The following LDLRAD4 variants were observed in gnomAD, a reference collection of about 807,000 sequenced individuals.
LDLRAD4 encodes the protein low density lipoprotein receptor class A domain containing 4.
A neutral mutation model predicts 17.0 loss-of-function variants in LDLRAD4; 5 were observed. The ratio of observed to expected loss-of-function variants is 0.29; its 90% CI spans 0.15 to 0.62. The LOEUF is 0.62. Among genes scored for constraint, LDLRAD4 ranks in the 20% least tolerant of loss-of-function variants. The pLI is 0.84. For synonymous variants in LDLRAD4, 168 were observed against 171.8 expected (o/e 0.98, Z 0.17); for missense variants, 340 against 424.7 (o/e 0.80, Z 1.75).
intron 1 of LDLRAD4, among the ~76,000 whole-genome samples, chr18:13,292,285 T>C (rs1020329750): frequency 2.0e-5 from 3 of 152,258 alleles, no homozygotes; most frequent in African/African-American, 7.2e-5. Flanking sequence ...GTGGGTGGGC[T>C]GCTGGCACAA....
At chr18:13,553,291 C>T (rs2094452484) in intron 3 of LDLRAD4, among the ~76,000 whole-genome samples, 1 of 152,128 alleles carries the variant, frequency 6.6e-6, no homozygotes, top group Admixed American at 6.5e-5. Flanking sequence ...ACCTTGTGTA[C>T]ACATCATCTC....
intron 2 of LDLRAD4, among the ~76,000 whole-genome samples, chr18:13,389,333 C>A (rs1252917487): frequency 1.3e-5 from 2 of 151,828 alleles, no homozygotes; most frequent in African/African-American, 2.4e-5. Flanking sequence ...GGATACTCCT[C>A]CCCTCCAGTC....
At chr18:13,235,649 C>CT (rs1215463438) in intron 1 of LDLRAD4, among the ~76,000 whole-genome samples, 1 of 152,212 alleles carries the variant, frequency 6.6e-6, no homozygotes, top group Non-Finnish European at 1.5e-5. Flanking sequence ...CTATTGATGG[C>CT]TTTTAGCCTG....
chr18:13,488,151 C>G (rs1402059160), intron 3 of LDLRAD4: 6 of 152,680 alleles, frequency 3.9e-5, no homozygotes, highest in Non-Finnish European at 8.8e-5. Context: ...GCCTTGGCCC[C>G]CTTTCCGCTC....
chr18:13,489,516 T>A (rs1487729510), intron 3 of LDLRAD4: 1 of 152,240 alleles, frequency 6.6e-6, no homozygotes, highest in African/African-American at 2.4e-5. Context: ...TGGTGGTGTG[T>A]GATTGAGTGC....
intron 3 of LDLRAD4, chr18:13,459,828 T>C (rs1299871064): frequency 6.5e-6 from 1 of 153,796 alleles, no homozygotes; most frequent in Non-Finnish European, 1.5e-5. Flanking sequence ...AGGCAGTGCT[T>C]GCGCTTTAAG....
intron 2 of LDLRAD4, among the ~76,000 whole-genome samples, chr18:13,403,105 A>C (rs1275178383): frequency 6.6e-6 from 1 of 152,228 alleles, no homozygotes; most frequent in East Asian, 1.9e-4. Context: ...ACATCCTAAA[A>C]CAACATGAAG....
chr18:13,381,076 G>GC (rs1555668031), intron 1 of LDLRAD4, among the ~76,000 whole-genome samples: 1 of 128,486 alleles, frequency 7.8e-6, no homozygotes. Context: ...TTTCTCTTTA[G>GC]TTTTTTTTTT....
chr18:13,263,303 C>T (rs1342497872), intron 1 of LDLRAD4, among the ~76,000 whole-genome samples: 1 of 151,932 alleles, frequency 6.6e-6, no homozygotes, highest in African/African-American at 2.4e-5. Flanking sequence ...GGCTGAGTCC[C>T]ATGCGGCTCT....
chr18:13,262,624 T>C (rs2043942664), intron 1 of LDLRAD4, among the ~76,000 whole-genome samples: 1 of 81,546 alleles, frequency 1.2e-5, no homozygotes, highest in African/African-American at 7.1e-5. Flanking sequence ...GCGTGGAAAC[T>C]GAGTCCCGTG....
intron 4 of LDLRAD4, among the ~76,000 whole-genome samples, chr18:13,624,988 T>C (rs796154806): frequency 4.6e-5 from 7 of 152,280 alleles, no homozygotes; most frequent in African/African-American, 1.7e-4. Context: ...TCAGCACCAA[T>C]GTCCGAGGCC....
chr18:13,577,013 C>G (rs565509593), intron 3 of LDLRAD4, among the ~76,000 whole-genome samples: 1 of 152,284 alleles, frequency 6.6e-6, no homozygotes, highest in African/African-American at 2.4e-5. Context: ...TGACCCAACA[C>G]TTAAAAAGTG....
chr18:13,383,264 C>G lies in LDLRAD4; in HGVS notation c.-382-4077C>G, dbSNP rs563556529. Among the ~76,000 whole-genome samples, 12 of 152,340 alleles carry G rather than the reference C, an allele frequency of 7.9e-5. No homozygotes were observed. In the East Asian group the frequency reaches 2.3e-3, roughly 29 times the overall value. On this transcript the variant is annotated intron_variant, in intron 1 of 5. Coordinates refer to ENST00000359446, the Ensembl canonical transcript of LDLRAD4. ...CAGGAAATACGTATTTACTGGGCAC[C>G]TGCTGGGTGCCAAGGGGAACTGGAG... is the stretch of plus-strand genomic sequence containing the variant.
intron 4 of LDLRAD4, chr18:13,641,654 A>T: frequency 1.6e-6 from 1 of 625,676 alleles, no homozygotes; most frequent in Non-Finnish European, 2.0e-6. Flanking sequence ...GCGGCGGCCC[A>T]GAGGAGCAGC....
chr18:13,614,225 C>T (rs1334829200), intron 3 of LDLRAD4: 1 of 152,208 alleles, frequency 6.6e-6, no homozygotes. Context: ...TGTGGATGAA[C>T]AAGGCGTTGA....
In LDLRAD4 at chr18:13,452,646, T is replaced by C. The variant is rs577156164; in HGVS notation, c.181+14262T>C. 4.1e-4 allele frequency among the ~76,000 whole-genome samples: 62 copies of C among 152,276 alleles called. No homozygotes were observed. The East Asian group carries it at 8.7e-3, about 21-fold the overall frequency. On this transcript the variant is annotated intron_variant, in intron 3 of 5. Transcript: ENST00000359446. ...TGGAAAAATACCGACATAGGAGGGATCTGCAGTCCTGACAGTCAGCATCTT... is the reference window on the plus strand; with the variant it reads ...TGGAAAAATACCGACATAGGAGGGACCTGCAGTCCTGACAGTCAGCATCTT...
intron 2 of LDLRAD4, among the ~76,000 whole-genome samples, chr18:13,433,100 AC>A (rs1308217527): frequency 1.3e-5 from 2 of 152,128 alleles, no homozygotes; most frequent in Admixed American, 1.3e-4. Flanking sequence ...CATTGTTGTC[AC>A]CTCTGTACTA....
chr18:13,223,206 G>T lies in LDLRAD4; in HGVS notation c.-467+4218G>T, dbSNP rs1444111540. 2.0e-5 allele frequency among the ~76,000 whole-genome samples: 3 copies of T among 152,146 alleles called. No homozygotes were observed. The East Asian group carries it at 5.8e-4, about 29-fold the overall frequency. ...CTTGGGGACTGGACGACTGAGTGGC[G>T]TTAAGGTAGGGAAGGGGGTGGGTGT... is the stretch of plus-strand genomic sequence containing the variant. On this transcript the variant is annotated intron_variant, in intron 1 of 5. Transcript: ENST00000399848.
intron 1 of LDLRAD4, among the ~76,000 whole-genome samples, chr18:13,325,524 C>A (rs114178470): frequency 5.9e-5 from 9 of 152,188 alleles, no homozygotes; most frequent in Non-Finnish European, 8.8e-5. Flanking sequence ...CCGCCCACCC[C>A]CTTTAAAGGG....
Sources: allele counts gnomAD v4.1 joint callset (sites outside exome capture counted in the v4.1 genomes callset), GRCh38; gene constraint gnomAD v4.1.1; transcripts MANE v1.5; gene names NCBI Gene and HGNC (gene_info 2026-07-23, HGNC 2026-07-21).